Variants in FRMPD2 observed in about 807,000 individuals in gnomAD.
FRMPD2 encodes the protein FERM and PDZ domain containing 2.
A neutral mutation model predicts 140.1 loss-of-function variants in FRMPD2; 96 were observed. The observed-to-expected ratio is 0.69, with a 90% CI of 0.58 to 0.81. The LOEUF is 0.81. Ranked by LOEUF, FRMPD2 falls within the 40% of genes least tolerant of loss-of-function variation. The pLI is 0.00. For synonymous variants in FRMPD2, 449 were observed against 547.6 expected, an observed-to-expected ratio of 0.82 and a Z score of 2.52; for missense variants, 1,240 against 1,447.4, an observed-to-expected ratio of 0.86 and a Z score of 2.32.
intron 16 of FRMPD2, among the ~76,000 whole-genome samples, chr10:48,189,492 G>C (rs1447277166): frequency 1.3e-5 from 2 of 152,244 alleles, no homozygotes; most frequent in African/African-American, 4.8e-5. Flanking sequence ...CCACATGTCA[G>C]CCTTCCCTCC....
At chr10:48,273,220 A>G (rs1238790111) in intron 1 of FRMPD2, among the ~76,000 whole-genome samples, 1 of 152,146 alleles carries the variant, frequency 6.6e-6, no homozygotes, top group South Asian at 2.1e-4. Flanking sequence ...GCCATCTGTC[A>G]TCATTCCAGG....
chr10:48,273,616 T>A (rs902288958), intron 1 of FRMPD2, among the ~76,000 whole-genome samples: 9 of 152,160 alleles, frequency 5.9e-5, no homozygotes, highest in African/African-American at 2.2e-4. Context: ...CAGGAGCCCG[T>A]GCCACCTCCA....
chr10:48,186,326 T>C (rs1838683127), intron 17 of FRMPD2, among the ~76,000 whole-genome samples: 3 of 152,182 alleles, frequency 2.0e-5, no homozygotes, highest in African/African-American at 4.8e-5. Flanking sequence ...ACAAGTTACT[T>C]GTAAAGAGTT....
At chr10:48,215,982 C>T (rs1213054652) in intron 12 of FRMPD2, among the ~76,000 whole-genome samples, 1 of 152,218 alleles carries the variant, frequency 6.6e-6, no homozygotes, top group East Asian at 1.9e-4. Context: ...GAATGTACCT[C>T]ATTCAATCTG....
intron 13 of FRMPD2, among the ~76,000 whole-genome samples, chr10:48,209,827 G>A (rs1205357560): frequency 1.3e-5 from 2 of 152,224 alleles, no homozygotes; most frequent in Non-Finnish European, 2.9e-5. Context: ...GCTAACCTCA[G>A]TATTGTTTTA....
At chr10:48,205,509 G>C (rs984158099) in intron 14 of FRMPD2, among the ~76,000 whole-genome samples, 2 of 152,080 alleles carry the variant, frequency 1.3e-5, no homozygotes, top group African/African-American at 4.8e-5. Context: ...ATAGTGCATT[G>C]AAAAATCTGA....
chr10:48,184,930 G>T lies in FRMPD2; in HGVS notation c.2360-49C>A, dbSNP rs1222440334. 3.5e-6 allele frequency: 5 copies of T among 1,434,142 alleles called. No homozygotes were observed. In the South Asian group the frequency reaches 3.6e-5, roughly 10 times the overall value. 88.8% of individuals were successfully genotyped at this position (1,434,142 alleles called of 1,614,324 possible). A position where few individuals can be genotyped will look rare whatever the true frequency, so the allele number is the denominator to read the frequency against. On this transcript the variant is annotated intron_variant, in intron 18 of 28. Coordinates refer to ENST00000374201, the MANE Select transcript of FRMPD2 (RefSeq NM_001018071.4). ...TGATAAGATGATACTTAGTGATTTT[G>T]CTGTTCAGAGAGGTTAGGTTATTTC...
chr10:48,206,530 T>C (rs1839202073), intron 14 of FRMPD2, among the ~76,000 whole-genome samples: 1 of 152,162 alleles, frequency 6.6e-6, no homozygotes, highest in African/African-American at 2.4e-5. Flanking sequence ...CAAGGAATGT[T>C]AGGGAAGAAA....
At chr10:48,254,139 G>C (rs1192389169) in intron 1 of FRMPD2, among the ~76,000 whole-genome samples, 1 of 152,058 alleles carries the variant, frequency 6.6e-6, no homozygotes, top group Non-Finnish European at 1.5e-5. Context: ...GTGCATTCCA[G>C]TTTTCGGCAC....
chr10:48,189,087 T>A (rs1314753250), intron 16 of FRMPD2, among the ~76,000 whole-genome samples: 1 of 152,210 alleles, frequency 6.6e-6, no homozygotes, highest in Admixed American at 6.5e-5. Context: ...TGTTATATTA[T>A]GTGTATTTTA....
chr10:48,218,147 C>T (rs1839494185), intron 12 of FRMPD2, among the ~76,000 whole-genome samples: 1 of 152,088 alleles, frequency 6.6e-6, no homozygotes, highest in Non-Finnish European at 1.5e-5. Context: ...TTTGTGTGTC[C>T]AAATTTCTTC....
chr10:48,194,521 G>A (rs149746512), intron 15 of FRMPD2, among the ~76,000 whole-genome samples: 5 of 152,146 alleles, frequency 3.3e-5, no homozygotes, highest in Non-Finnish European at 5.9e-5. Context: ...AGGCAAGGTC[G>A]CAGCTCAGAA....
At chr10:48,209,809 G>C (rs560335487) in intron 13 of FRMPD2, among the ~76,000 whole-genome samples, 11 of 152,292 alleles carry the variant, frequency 7.2e-5, no homozygotes, top group Non-Finnish European at 1.5e-4. Flanking sequence ...GATTTATATG[G>C]AAAAGATGCT....
At chr10:48,212,535 C>T (rs1839353012) in intron 12 of FRMPD2, among the ~76,000 whole-genome samples, 1 of 151,972 alleles carries the variant, frequency 6.6e-6, no homozygotes, top group African/African-American at 2.4e-5. Context: ...CCACACCTTA[C>T]CAAAAGGCAT....
At chr10:48,207,226 C>T (rs1167599567) in intron 13 of FRMPD2, among the ~76,000 whole-genome samples, 1 of 148,756 alleles carries the variant, frequency 6.7e-6, no homozygotes, top group South Asian at 2.1e-4. Flanking sequence ...ATGAAAATAA[C>T]ACAGTACAAT....
intron 25 of FRMPD2, among the ~76,000 whole-genome samples, chr10:48,171,476 A>T (rs1261418194): frequency 6.6e-6 from 1 of 152,272 alleles, no homozygotes; most frequent in African/African-American, 2.4e-5. Flanking sequence ...CAAACAAAAA[A>T]TAAATAAAAC....
rs1178520388 is a variant in FRMPD2 at position 48,201,279 on chromosome 10, G to A, written c.1903C>T (p.His635Tyr). ...GAGCCCATCTGTGCATTAAACCCAT[G>A]CTGGGCTGAGCAGAGGTCCAGTAAG... ...KYLLDLCSAQ[H>Y]GFNAQMGSGQ... Residue 635 changes from histidine (H) to tyrosine (Y), a missense_variant, in exon 15 of 29, where the codon CAT becomes TAT. Coordinates refer to ENST00000374201, the MANE Select transcript of FRMPD2 (RefSeq NM_001018071.4). 9.9e-6 allele frequency: 16 copies of A among 1,613,836 alleles called. No individual in the cohort carries two copies. Among genetic ancestry groups the A allele is most frequent in the Non-Finnish European group, 1.4e-5 (16 of 1,179,802 alleles).
intron 3 of FRMPD2, 103 bp from the exon 4 acceptor site, chr10:48,244,952 T>G (rs1840210739): frequency 1.1e-6 from 1 of 877,880 alleles, no homozygotes; most frequent in Non-Finnish European, 1.9e-6. Flanking sequence ...GACACTGTTG[T>G]CTGGCGAGTC....
intron 28 of FRMPD2, among the ~76,000 whole-genome samples, chr10:48,162,076 G>A (rs1344562875): frequency 1.3e-5 from 2 of 150,968 alleles, no homozygotes; most frequent in African/African-American, 4.9e-5. Flanking sequence ...TAAGATCATG[G>A]TAGTAGTTGT....
Sources: gnomAD v4.1 joint callset for allele counts (sites outside exome capture counted in the v4.1 genomes callset) on GRCh38, gnomAD v4.1.1 for gene constraint, MANE v1.5 for transcripts, NCBI Gene and HGNC (gene_info 2026-07-23, HGNC 2026-07-21) for gene names.